EGFR: variants seen among roughly 807,000 people sequenced by gnomAD.
EGFR encodes the protein avian erythroblastic leukemia viral (v-erb-b) oncogene homolog.
Under a neutral mutation model 143.0 loss-of-function variants are expected in EGFR, and 58 were observed. The observed-to-expected ratio is 0.41, with a 90% CI of 0.33 to 0.50. The LOEUF (loss-of-function observed/expected upper bound fraction) is 0.50, where lower values mean the gene tolerates loss of function less well. Among genes scored for constraint, EGFR ranks in the 20% least tolerant of loss-of-function variants. The pLI is 0.39. For missense variants in EGFR, 1,307 were observed against 1,579.0 expected, an observed-to-expected ratio of 0.83 and a Z score of 2.92; for synonymous variants, 613 against 594.4, an observed-to-expected ratio of 1.03 and a Z score of -0.45.
At chr7:55,056,244 C>T (rs1788810959) in intron 1 of EGFR, among the ~76,000 whole-genome samples, 1 of 152,076 alleles carries the variant, frequency 6.6e-6, no homozygotes, top group Non-Finnish European at 1.5e-5. Context: ...GGATAGTGAG[C>T]CTCTGTGTAT....
chr7:55,100,594 C>T (rs1791754139), intron 1 of EGFR, among the ~76,000 whole-genome samples: 1 of 152,128 alleles, frequency 6.6e-6, no homozygotes, highest in South Asian at 2.1e-4. Flanking sequence ...CTGTGGTCAC[C>T]CAAGGCTTTG....
At chr7:55,133,081 C>A (rs967599901) in intron 1 of EGFR, among the ~76,000 whole-genome samples, 1 of 152,208 alleles carries the variant, frequency 6.6e-6, no homozygotes, top group Non-Finnish European at 1.5e-5. Flanking sequence ...GAGTGAGTCA[C>A]GGGCCTGAAC....
At chr7:55,190,399 T>C (rs1398067356) in intron 20 of EGFR, among the ~76,000 whole-genome samples, 2 of 152,180 alleles carry the variant, frequency 1.3e-5, no homozygotes, top group Non-Finnish European at 1.5e-5. Context: ...TAATTCTGCA[T>C]AGCATCTTTG....
intron 1 of EGFR, among the ~76,000 whole-genome samples, chr7:55,047,013 T>C (rs1345524205): frequency 1.3e-5 from 2 of 152,244 alleles, no homozygotes; most frequent in African/African-American, 4.8e-5. Context: ...CTTAGATTTA[T>C]ATGTATTTAT....
intron 1 of EGFR, among the ~76,000 whole-genome samples, chr7:55,121,162 T>A (rs775964926): frequency 5.9e-5 from 9 of 152,180 alleles, no homozygotes; most frequent in Non-Finnish European, 8.8e-5. Flanking sequence ...CCTCACACTG[T>A]CCTCTTCAGA....
At chr7:55,042,646 A>G (rs762257545) in intron 1 of EGFR, among the ~76,000 whole-genome samples, 2 of 152,136 alleles carry the variant, frequency 1.3e-5, no homozygotes, top group Non-Finnish European at 2.9e-5. Flanking sequence ...AAAGCTCGAA[A>G]ATATGGGCTC....
At position 55,190,411 on chromosome 7, in the gene EGFR, G is replaced by A. The variant is rs1052311416; in HGVS notation, c.2470-1308G>A. 6.9e-4 allele frequency among the ~76,000 whole-genome samples: 105 copies of A among 152,176 alleles called. 1 individual carries two copies. The highest frequency in any genetic ancestry group is 1.9e-3 in the African/African-American group (77 of 41,514). On this transcript the variant is annotated intron_variant, in intron 20 of 27. Transcript: ENST00000275493. ...GACTAATTCTGCATAGCATCTTTGCGAGACCCTAGGTTCTTATGATGACTG... is the reference window on the plus strand; with the variant it reads ...GACTAATTCTGCATAGCATCTTTGCAAGACCCTAGGTTCTTATGATGACTG...
intron 22 of EGFR, among the ~76,000 whole-genome samples, chr7:55,197,212 A>G (rs1468749894): frequency 6.6e-6 from 1 of 152,138 alleles, no homozygotes; most frequent in Non-Finnish European, 1.5e-5. Context: ...TTCTTATTGT[A>G]GAGATCTTTC....
In EGFR at chr7:55,050,254, G is replaced by A. The variant is rs73420779; in HGVS notation, c.88+30889G>A. ...TTAAGCAATGGCTCTGTTTTCCTCCGTTCCCCCAGCCCCTGGCCACCATCC... is the reference window on the plus strand; with the variant it reads ...TTAAGCAATGGCTCTGTTTTCCTCCATTCCCCCAGCCCCTGGCCACCATCC... On this transcript the variant is annotated intron_variant, in intron 1 of 27. Transcript: ENST00000275493. Among the ~76,000 whole-genome samples, 776 of 152,096 alleles carry A rather than the reference G, an allele frequency of 5.1e-3. 9 individuals are homozygous for A. The highest frequency in any genetic ancestry group is 0.018 in the African/African-American group (747 of 41,488).
intron 1 of EGFR, among the ~76,000 whole-genome samples, chr7:55,105,000 T>C (rs1007612115): frequency 6.6e-6 from 1 of 152,232 alleles, no homozygotes; most frequent in Non-Finnish European, 1.5e-5. Flanking sequence ...GGAATATTAA[T>C]AGCAAGCTTT....
At chr7:55,074,081 A>G (rs548889356) in intron 1 of EGFR, among the ~76,000 whole-genome samples, 74 of 152,322 alleles carry the variant, frequency 4.9e-4, no homozygotes, top group African/African-American at 1.6e-3. Flanking sequence ...CGGCTCATTC[A>G]CCACATCTGC....
Position 55,205,859 on chromosome 7 carries a change from C to G in EGFR, c.*242C>G. On this transcript the variant is annotated 3_prime_UTR_variant, in exon 28 of 28. Coordinates refer to ENST00000275493, the MANE Select transcript of EGFR (RefSeq NM_005228.5). The stretch of plus-strand genomic sequence containing the variant: ...GAAACGCATCCAGCAAGAATATTGT[C>G]CCTTTGAGCAGAAATTTATCTTTCA... 1.7e-6 allele frequency: 1 copy of G among 578,312 alleles called. No individual in the cohort carries two copies. The highest frequency in any genetic ancestry group is 3.1e-6 in the Non-Finnish European group (1 of 327,746). The allele number at this position is 578,312 out of a possible 1,614,324, so 35.8% of individuals were successfully genotyped here. A position where few individuals can be genotyped will look rare whatever the true frequency, so the allele number is the denominator to read the frequency against.
chr7:55,198,572 C>T (rs1787717209), intron 22 of EGFR, 145 bp from the exon 23 acceptor site: 5 of 1,224,432 alleles, frequency 4.1e-6, no homozygotes, highest in Non-Finnish European at 5.9e-6. Flanking sequence ...CTGAGGCTTC[C>T]AGCATTGAAG....
chr7:55,040,408 T>A (rs1322313462), intron 1 of EGFR, among the ~76,000 whole-genome samples: 1 of 152,190 alleles, frequency 6.6e-6, no homozygotes, highest in Admixed American at 6.5e-5. Flanking sequence ...TCTGCATGAT[T>A]ATAGTCCTCT....
At chr7:55,138,688 A>T (rs1205459455) in intron 1 of EGFR, among the ~76,000 whole-genome samples, 2 of 152,256 alleles carry the variant, frequency 1.3e-5, no homozygotes, top group Non-Finnish European at 2.9e-5. Flanking sequence ...AATAAAAGAA[A>T]GTCAAAAGCT....
intron 1 of EGFR, among the ~76,000 whole-genome samples, chr7:55,039,465 A>C: frequency 6.6e-6 from 1 of 152,168 alleles, no homozygotes; most frequent in East Asian, 1.9e-4. Context: ...GCTGCTCAAG[A>C]CTGGCAGAGA....
chr7:55,155,296 G>A (rs939596083), intron 7 of EGFR, among the ~76,000 whole-genome samples: 1 of 152,182 alleles, frequency 6.6e-6, no homozygotes, highest in Non-Finnish European at 1.5e-5. Context: ...ACAAAAATTA[G>A]CCGGGCGTGG....
intron 20 of EGFR, among the ~76,000 whole-genome samples, chr7:55,187,957 T>G (rs532139218): frequency 2.6e-5 from 4 of 152,002 alleles, no homozygotes; most frequent in Admixed American, 2.6e-4. Context: ...TGGCCAAGAG[T>G]GTCTGGCCTT....
rs1296356016 is a variant in EGFR at position 55,201,326 on chromosome 7, A to G, written c.3085A>G (p.Thr1029Ala). 3.1e-6 allele frequency: 5 copies of G among 1,613,840 alleles called. No individual in the cohort carries two copies. Among genetic ancestry groups the G allele is most frequent in the Non-Finnish European group, 4.2e-6 (5 of 1,180,008 alleles). The change falls in exon 25 of 28, where the codon ACG becomes GCG. Residue 1029 changes from threonine (T) to alanine (A), a missense_variant. Coordinates refer to ENST00000275493, the MANE Select transcript of EGFR (RefSeq NM_005228.5). ...PQQGFFSSPS[T>A]SRTPLLSSLS... Reference sequence around the variant, plus strand: ...GCAGGGCTTCTTCAGCAGCCCCTCCACGTCACGGACTCCCCTCCTGAGCTC... The same window carrying G: ...GCAGGGCTTCTTCAGCAGCCCCTCCGCGTCACGGACTCCCCTCCTGAGCTC...
Sources: gnomAD v4.1 joint callset for allele counts (sites outside exome capture counted in the v4.1 genomes callset) on GRCh38, gnomAD v4.1.1 for gene constraint, MANE v1.5 for transcripts, NCBI Gene and HGNC (gene_info 2026-07-23, HGNC 2026-07-21) for gene names.